Variants in CMIP observed in about 807,000 individuals in gnomAD.
The protein encoded by CMIP is C-Maf-inducing protein.
Under a neutral mutation model 97.3 loss-of-function variants are expected in CMIP, and 13 were observed. The ratio of observed to expected loss-of-function variants is 0.13; its 90% CI spans 0.09 to 0.21. The LOEUF (loss-of-function observed/expected upper bound fraction) is 0.21, where lower values mean the gene tolerates loss of function less well. Among genes scored for constraint, CMIP ranks in the 10% least tolerant of loss-of-function variants. CMIP has a pLI of 1.00. For synonymous variants in CMIP, 538 were observed against 436.3 expected (o/e 1.23, Z -2.91); for missense variants, 847 against 1,024.9 (o/e 0.83, Z 2.37).
chr16:81,492,477 C>T (rs936041167), intron 1 of CMIP, among the ~76,000 whole-genome samples: 3 of 152,188 alleles, frequency 2.0e-5, no homozygotes, highest in Non-Finnish European at 2.9e-5. Flanking sequence ...GTCCCTTCTG[C>T]CCAGGCTCTC....
chr16:81,665,414 TTG>T (rs767409323), intron 7 of CMIP: 1 of 152,158 alleles, frequency 6.6e-6, no homozygotes, highest in Non-Finnish European at 1.5e-5. Flanking sequence ...TTTGAGTGTA[TTG>T]TGTTATTAAC....
intron 2 of CMIP, among the ~76,000 whole-genome samples, chr16:81,607,968 G>A (rs2091772277): frequency 6.6e-6 from 1 of 152,190 alleles, no homozygotes; most frequent in African/African-American, 2.4e-5. Context: ...TGATAAATAA[G>A]TTTTATGATC....
chr16:81,513,242 GCTCACCA>G lies in CMIP; in HGVS notation c.300+67702_300+67708del, dbSNP rs2089848023. 2.0e-5 allele frequency among the ~76,000 whole-genome samples: 3 copies of G among 152,356 alleles called. No homozygotes were observed. The South Asian group carries it at 6.2e-4, about 32-fold the overall frequency. On this transcript the variant is annotated intron_variant, in intron 1 of 20. Transcript: ENST00000537098. ...GCGGGGCCTGCCTGCATCCGTTGCTGCTCACCAGACCCAGAGTGTGGGGCTTCCTGCC... is the reference window on the plus strand; with the variant it reads ...GCGGGGCCTGCCTGCATCCGTTGCTGGACCCAGAGTGTGGGGCTTCCTGCC...
chr16:81,607,521 C>G, intron 1 of CMIP, 46 bp from the exon 2 acceptor site: 1 of 1,602,700 alleles, frequency 6.2e-7, no homozygotes, highest in Non-Finnish European at 8.5e-7. Context: ...GTCATGCCTG[C>G]TACTGTAACC....
rs918870408 is a variant in CMIP at position 81,703,862 on chromosome 16, A to C, written c.1945-77A>C. The C allele has an allele frequency of 2.5e-5, 38 of 1,493,516 alleles. No individual in the cohort carries two copies. In the African/African-American group the frequency reaches 4.6e-4, roughly 18 times the overall value. The allele number at this position is 1,493,516 out of a possible 1,614,324, so 92.5% of individuals were successfully genotyped here. A position where few individuals can be genotyped will look rare whatever the true frequency, so the allele number is the denominator to read the frequency against. ...CTCTGTAGGGCGAGGGGAGAGGAGG[A>C]GGATAGGGGATAGGAGGGCTCAGGG... On this transcript the variant is annotated intron_variant, in intron 17 of 20. Transcript: ENST00000537098.
intron 3 of CMIP, among the ~76,000 whole-genome samples, chr16:81,622,956 C>G (rs1458067225): frequency 1.3e-5 from 2 of 152,252 alleles, no homozygotes; most frequent in Non-Finnish European, 2.9e-5. Flanking sequence ...GTAATCCCAA[C>G]ACTTTGGGAG....
chr16:81,677,950 G>T (rs182023099), intron 9 of CMIP, among the ~76,000 whole-genome samples: 1 of 152,368 alleles, frequency 6.6e-6, no homozygotes, highest in East Asian at 1.9e-4. Flanking sequence ...AATGCCAAGA[G>T]CCTTATGGCT....
intron 1 of CMIP, among the ~76,000 whole-genome samples, chr16:81,583,486 A>T (rs148959188): frequency 6.6e-6 from 1 of 152,246 alleles, no homozygotes; most frequent in African/African-American, 2.4e-5. Flanking sequence ...AAAATAAGTC[A>T]TTGGGAATAC....
chr16:81,686,432 C>T (rs1430983705), intron 10 of CMIP, among the ~76,000 whole-genome samples: 2 of 152,230 alleles, frequency 1.3e-5, no homozygotes, highest in Non-Finnish European at 2.9e-5. Flanking sequence ...TCCAGAGGAC[C>T]TGCTGTCAGT....
At chr16:81,560,730 C>A (rs1437286268) in intron 1 of CMIP, among the ~76,000 whole-genome samples, 1 of 152,110 alleles carries the variant, frequency 6.6e-6, no homozygotes, top group Non-Finnish European at 1.5e-5. Flanking sequence ...TTTCACTGTA[C>A]CTTTTCTGTG....
chr16:81,613,928 C>T lies in CMIP; in HGVS notation c.426+6236C>T, dbSNP rs557221614. 7.9e-5 allele frequency among the ~76,000 whole-genome samples: 12 copies of T among 152,292 alleles called. No individual in the cohort carries two copies. The South Asian group carries it at 1.9e-3, about 24-fold the overall frequency. On this transcript the variant is annotated intron_variant, in intron 2 of 20. Coordinates refer to ENST00000537098, the MANE Select transcript of CMIP (RefSeq NM_198390.3). Reference sequence around the variant, plus strand: ...ATCTTTCACTTAACAAACATTTCTCCGGGTTTCATGGACACAGTGGTGCCT... The same window carrying T: ...ATCTTTCACTTAACAAACATTTCTCTGGGTTTCATGGACACAGTGGTGCCT...
At chr16:81,566,423 C>T (rs1348239819) in intron 1 of CMIP, among the ~76,000 whole-genome samples, 1 of 152,212 alleles carries the variant, frequency 6.6e-6, no homozygotes, top group Non-Finnish European at 1.5e-5. Flanking sequence ...GCAGGTCCTG[C>T]TCATGGTGCC....
intron 1 of CMIP, among the ~76,000 whole-genome samples, chr16:81,563,977 C>T (rs1426358617): frequency 6.6e-6 from 1 of 152,252 alleles, no homozygotes; most frequent in East Asian, 1.9e-4. Flanking sequence ...TCTTCCTGGG[C>T]TAGAAAGAGC....
chr16:81,541,104 A>G (rs983287178), intron 1 of CMIP, among the ~76,000 whole-genome samples: 10 of 151,946 alleles, frequency 6.6e-5, no homozygotes, highest in Admixed American at 2.0e-4. Context: ...ATATATAAGT[A>G]TATTATTCTT....
intron 1 of CMIP, among the ~76,000 whole-genome samples, chr16:81,481,633 A>T (rs1467359640): frequency 6.6e-6 from 1 of 152,202 alleles, no homozygotes; most frequent in East Asian, 1.9e-4. Context: ...TGCTATGACA[A>T]ATGACCACAG....
Position 81,585,801 on chromosome 16 carries a change from G to A in CMIP, c.301-21766G>A, listed in dbSNP as rs2091372446. ...CCCCAAATGCCCTTCCATGTCCCTG[G>A]CCCAGCAAAATCCTCCTCACTTCTC... On this transcript the variant is annotated intron_variant, in intron 1 of 20. Transcript: ENST00000537098. Among the ~76,000 whole-genome samples, 3 of 152,128 alleles carry A rather than the reference G, an allele frequency of 2.0e-5. No individual in the cohort carries two copies. In the South Asian group the frequency reaches 6.2e-4, roughly 32 times the overall value.
intron 3 of CMIP, among the ~76,000 whole-genome samples, chr16:81,644,950 T>C (rs1034751909): frequency 6.6e-6 from 1 of 152,102 alleles, no homozygotes; most frequent in East Asian, 1.9e-4. Context: ...ACATGCATGC[T>C]CCTGGGCCCG....
intron 1 of CMIP, among the ~76,000 whole-genome samples, chr16:81,460,049 G>C (rs1906810152): frequency 6.6e-6 from 1 of 152,172 alleles, no homozygotes; most frequent in East Asian, 1.9e-4. Context: ...GGGGCACTGA[G>C]TCCCCACAAG....
intron 9 of CMIP, among the ~76,000 whole-genome samples, chr16:81,678,057 A>T (rs905153451): frequency 6.6e-6 from 1 of 152,220 alleles, no homozygotes. Context: ...GAGACAGGCA[A>T]CCTGGGTTGG....
Sources: allele counts gnomAD v4.1 joint callset (sites outside exome capture counted in the v4.1 genomes callset), GRCh38; gene constraint gnomAD v4.1.1; transcripts MANE v1.5; gene names NCBI Gene and HGNC (gene_info 2026-07-23, HGNC 2026-07-21).